The following ZNF496 variants were observed in gnomAD, a reference collection of about 807,000 sequenced individuals.
ZNF496 encodes NSD1 (nuclear receptor binding SET-domain containing 1)-interacting zinc finger protein 1.
In ZNF496, 11 loss-of-function variants were observed where a neutral mutation model predicts 58.9. The ratio of observed to expected loss-of-function variants is 0.19; its 90% CI spans 0.12 to 0.31. The LOEUF (loss-of-function observed/expected upper bound fraction) is 0.31, where lower values mean the gene tolerates loss of function less well. Among genes scored for constraint, ZNF496 ranks in the 10% least tolerant of loss-of-function variants. The pLI, the probability that ZNF496 is intolerant of heterozygous loss-of-function variation, is 1.00. For synonymous variants in ZNF496, 338 were observed against 318.2 expected, an observed-to-expected ratio of 1.06 and a Z score of -0.66; for missense variants, 660 against 783.0, an observed-to-expected ratio of 0.84 and a Z score of 1.88.
At position 247,323,823 on chromosome 1, in the gene ZNF496, G is replaced by A. The variant is rs543940369; in HGVS notation, c.575-593C>T. On this transcript the variant is annotated intron_variant, in intron 5 of 9. Transcript: ENST00000682384. The stretch of plus-strand genomic sequence containing the variant: ...GCCGTAGAGTTGAGGAATCTATAAG[G>A]ACTCTTAGGGTCTGGATGTGGTGGC... Among the ~76,000 whole-genome samples the A allele has an allele frequency of 2.6e-5, 4 of 151,818 alleles. No individual in the cohort carries two copies. In the East Asian group the frequency reaches 7.7e-4, roughly 29 times the overall value.
In ZNF496 at chr1:247,300,284, T is replaced by C. The variant is rs1659196742; in HGVS notation, c.*235A>G. On this transcript the variant is annotated 3_prime_UTR_variant, in exon 10 of 10. Coordinates refer to ENST00000682384, the MANE Select transcript of ZNF496 (RefSeq NM_032752.3). The surrounding 1 kb of genome is among the most constrained non-coding windows in gnomAD (Gnocchi z 5.7). ...GCATGTCCAACCTGGTGATGGCACA[T>C]CCCCCCCGTTTTTTGGCACAGCAGA... is the stretch of plus-strand genomic sequence containing the variant. 4.6e-6 allele frequency: 2 copies of C among 437,174 alleles called. No homozygotes were observed. The highest frequency in any genetic ancestry group is 3.8e-5 in the Admixed American group (1 of 26,458). 27.1% of individuals were successfully genotyped at this position (437,174 alleles called of 1,614,324 possible).
chr1:247,327,415 G>C (rs1660166920), intron 5 of ZNF496, among the ~76,000 whole-genome samples: 1 of 152,158 alleles, frequency 6.6e-6, no homozygotes, highest in African/African-American at 2.4e-5. Context: ...GTTAACATTA[G>C]GCATGTCTAC....
At position 247,303,932 on chromosome 1, in the gene ZNF496, C is replaced by G. The variant is rs1659324609; in HGVS notation, c.1007-2656G>C. 7 of 200,280 alleles carry G rather than the reference C, an allele frequency of 3.5e-5. No homozygotes were observed. In the South Asian group the frequency reaches 4.1e-4, roughly 12 times the overall value. The allele number at this position is 200,280 out of a possible 1,614,324, so 12.4% of individuals were successfully genotyped here. On this transcript the variant is annotated intron_variant, in intron 9 of 9. Transcript: ENST00000682384. Reference sequence around the variant, plus strand: ...CAACCATCTCAACAGAAGCCAGGAACAGAGATGAGGTTATCCAGGAAGGTC... The same window carrying G: ...CAACCATCTCAACAGAAGCCAGGAAGAGAGATGAGGTTATCCAGGAAGGTC...
At chr1:247,305,117 G>A (rs1357247950) in intron 9 of ZNF496, among the ~76,000 whole-genome samples, 1 of 152,152 alleles carries the variant, frequency 6.6e-6, no homozygotes, top group African/African-American at 2.4e-5. Flanking sequence ...CTTTCAAGAT[G>A]TAATTAAGTG....
chr1:247,317,564 G>C lies in ZNF496; in HGVS notation c.651+5590C>G, dbSNP rs531881357. ...TGGGACCTCCATCCCTGCTAGCTAA[G>C]AACAAGCCCCCCCCCCGCCACCAGT... On this transcript the variant is annotated intron_variant, in intron 6 of 9. Coordinates refer to ENST00000682384, the MANE Select transcript of ZNF496 (RefSeq NM_032752.3). 2.4e-3 allele frequency among the ~76,000 whole-genome samples: 319 copies of C among 135,306 alleles called. 1 individual carries two copies. Among genetic ancestry groups the C allele is most frequent in the African/African-American group, 4.7e-3 (187 of 39,946 alleles). The allele number at this position is 135,306 out of a possible 152,430, so 88.8% of individuals were successfully genotyped here. A position where few individuals can be genotyped will look rare whatever the true frequency, so the allele number is the denominator to read the frequency against.
At chr1:247,325,941 C>T (rs1355033018) in intron 5 of ZNF496, among the ~76,000 whole-genome samples, 1 of 151,776 alleles carries the variant, frequency 6.6e-6, no homozygotes, top group African/African-American at 2.4e-5. Flanking sequence ...CTCCCTTCTC[C>T]AAGTTTAAAA....
intron 5 of ZNF496, among the ~76,000 whole-genome samples, chr1:247,325,618 A>AC (rs2103031792): frequency 6.6e-6 from 1 of 152,186 alleles, no homozygotes; most frequent in African/African-American, 2.4e-5. Flanking sequence ...TATTCATCTT[A>AC]CCTAACGGAA....
chr1:247,306,448 C>T lies in ZNF496; in HGVS notation c.1006+2027G>A, dbSNP rs574781947. 4.6e-5 allele frequency among the ~76,000 whole-genome samples: 7 copies of T among 151,316 alleles called. No individual in the cohort carries two copies. The South Asian group carries it at 1.5e-3, about 32-fold the overall frequency. On this transcript the variant is annotated intron_variant, in intron 9 of 9. Transcript: ENST00000682384. ...CCTGACCTCAGCGATCTGCCTGCCT[C>T]AGCCTCTCAATGTGCTGGGATTACA...
At chr1:247,322,446 G>T (rs1426815547) in intron 6 of ZNF496, among the ~76,000 whole-genome samples, 1 of 152,212 alleles carries the variant, frequency 6.6e-6, no homozygotes, top group Admixed American at 6.5e-5. Context: ...CACACATCCT[G>T]TTCCCATGGG....
intron 9 of ZNF496, among the ~76,000 whole-genome samples, chr1:247,301,713 C>T (rs191019849): frequency 9.1e-4 from 138 of 152,312 alleles, no homozygotes; most frequent in African/African-American, 3.0e-3. Flanking sequence ...CTACAACCTA[C>T]ACATATCATG....
At chr1:247,302,576 G>A (rs911722209) in intron 9 of ZNF496, among the ~76,000 whole-genome samples, 9 of 152,062 alleles carry the variant, frequency 5.9e-5, no homozygotes, top group African/African-American at 2.2e-4. Flanking sequence ...ACCCATCTCA[G>A]GTGATCCACC....
At chr1:247,302,377 G>T (rs921243192) in intron 9 of ZNF496, among the ~76,000 whole-genome samples, 1 of 152,110 alleles carries the variant, frequency 6.6e-6, no homozygotes, top group Non-Finnish European at 1.5e-5. Context: ...CAGTCACAAG[G>T]GGGTCGGGGG....
rs1258831006 is a variant in ZNF496, at chr1:247,305,557, G to A, written c.1006+2918C>T. Among the ~76,000 whole-genome samples the A allele has an allele frequency of 2.6e-5, 4 of 152,306 alleles. No homozygotes were observed. In the East Asian group the frequency reaches 5.8e-4, roughly 22 times the overall value. ...GCGTGCAGGTAACTCCATGACTATCGCCTCAGGAAGGATGCTCTGGCCAGG... is the reference window on the plus strand; with the variant it reads ...GCGTGCAGGTAACTCCATGACTATCACCTCAGGAAGGATGCTCTGGCCAGG... On this transcript the variant is annotated intron_variant, in intron 9 of 9. Coordinates refer to ENST00000682384, the MANE Select transcript of ZNF496 (RefSeq NM_032752.3).
Position 247,309,709 on chromosome 1 carries a change from G to C in ZNF496, c.882C>G (p.Val294=). ...GGAATCATTACTCACCCAAGTAGGAGACCTGGGGCACTTCTTTGCCCTGGA... is the reference window on the plus strand; with the variant it reads ...GGAATCATTACTCACCCAAGTAGGACACCTGGGGCACTTCTTTGCCCTGGA... ...QDLQGKEVPQ[V]SYLDSPSLQP... The change falls in exon 8 of 10, where the codon GTC becomes GTG. Residue 294 remains valine, a synonymous_variant. Transcript: ENST00000682384. This position sits in a 1 kb window ranked among gnomAD's most constrained non-coding sequence, Gnocchi z 4.3. The C allele has an allele frequency of 6.2e-7, 1 of 1,614,146 alleles. No individual in the cohort carries two copies. Among genetic ancestry groups the C allele is most frequent in the Non-Finnish European group, 8.5e-7 (1 of 1,180,022 alleles).
intron 6 of ZNF496, among the ~76,000 whole-genome samples, chr1:247,316,188 G>A (rs1215532107): frequency 7.7e-5 from 7 of 90,388 alleles, no homozygotes; most frequent in Non-Finnish European, 5.1e-5. Context: ...CTTCCTGGGA[G>A]GGGTGTGTGT....
intron 9 of ZNF496, chr1:247,304,025 AT>A: frequency 2.3e-6 from 1 of 436,010 alleles, no homozygotes; most frequent in Non-Finnish European, 4.6e-6. Flanking sequence ...GTTTCTGAGT[AT>A]TATATACCAG....
chr1:247,315,537 T>C (rs1458725025), intron 6 of ZNF496, among the ~76,000 whole-genome samples: 3 of 152,112 alleles, frequency 2.0e-5, no homozygotes, highest in Admixed American at 1.3e-4. Flanking sequence ...GGTTAAGAGA[T>C]TGTCCTTGTG....
At chr1:247,304,370 ATTTTT>A (rs146250749) in intron 9 of ZNF496, among the ~76,000 whole-genome samples, 1 of 141,618 alleles carries the variant, frequency 7.1e-6, no homozygotes, top group Non-Finnish European at 1.5e-5. Context: ...GACCTGCTAG[ATTTTT>A]TTTTTTTTTT....
intron 6 of ZNF496, among the ~76,000 whole-genome samples, chr1:247,315,063 T>C (rs1450989797): frequency 2.8e-5 from 1 of 35,648 alleles, no homozygotes; most frequent in African/African-American, 8.4e-5. Context: ...GACTAGTCTT[T>C]TTTTTTTTTT....
Sources: gnomAD v4.1 joint callset for allele counts (sites outside exome capture counted in the v4.1 genomes callset) on GRCh38, gnomAD v4.1.1 for gene constraint, Gnocchi (gnomAD v3.1) non-coding constraint, MANE v1.5 for transcripts, NCBI Gene and HGNC (gene_info 2026-07-23, HGNC 2026-07-21) for gene names.